Variants in CAV1 observed in about 807,000 individuals in gnomAD.
The protein encoded by CAV1 is caveolin-1.
A neutral mutation model predicts 16.5 loss-of-function variants in CAV1; 10 were observed. The ratio of observed to expected loss-of-function variants is 0.61; its 90% CI spans 0.37 to 1.03. The LOEUF is 1.03. CAV1 is among the 50% of genes least tolerant of loss of function. CAV1 has a pLI of 0.01. For missense variants in CAV1, 212 were observed against 232.8 expected (o/e 0.91, Z 0.58); for synonymous variants, 76 against 85.1 (o/e 0.89, Z 0.59).
chr7:116,537,772 C>T (rs541662075), intron 2 of CAV1, among the ~76,000 whole-genome samples: 1 of 152,230 alleles, frequency 6.6e-6, no homozygotes, highest in African/African-American at 2.4e-5. Flanking sequence ...TAGATCTTGG[C>T]AAGTGGTTTG....
chr7:116,526,563 C>T lies in CAV1; in HGVS notation c.69C>T (p.Asn23=). The T allele has an allele frequency of 1.2e-6, 2 of 1,614,204 alleles. No homozygotes were observed. Among genetic ancestry groups the T allele is most frequent in the Non-Finnish European group, 1.7e-6 (2 of 1,180,040 alleles). Residue 23 remains asparagine, a synonymous_variant, in exon 2 of 3, where the codon AAC becomes AAT. Transcript: ENST00000341049. ...CCGTTCCCATCCGGGAACAGGGCAACATCTACAAGCCCAACAACAAGGCCA... is the reference window on the plus strand; with the variant it reads ...CCGTTCCCATCCGGGAACAGGGCAATATCTACAAGCCCAACAACAAGGCCA... ...LYTVPIREQG[N]IYKPNNKAMA... is the part of the protein sequence containing the mutation.
intron 2 of CAV1, among the ~76,000 whole-genome samples, chr7:116,531,264 A>C (rs1002682380): frequency 6.6e-6 from 1 of 152,236 alleles, no homozygotes; most frequent in African/African-American, 2.4e-5. Context: ...TGTTTAGATG[A>C]TTCTGTTAGC....
Position 116,555,604 on chromosome 7 carries a change from G to GAA in CAV1, c.196-3341_196-3340insAA, listed in dbSNP as rs762624343. On this transcript the variant is annotated intron_variant, in intron 2 of 2. Coordinates refer to ENST00000341049, the MANE Select transcript of CAV1 (RefSeq NM_001753.5). ...AGAAAGAAAGAAAGAAAGAAAGAAA[G>GAA]AGAAAGAAAGAAAGAAGGGAGGGAG... 2.6e-3 allele frequency among the ~76,000 whole-genome samples: 189 copies of GAA among 73,430 alleles called. 13 individuals are homozygous for GAA. Among genetic ancestry groups the GAA allele is most frequent in the Middle Eastern group, 7.8e-3 (1 of 128 alleles). 48.2% of individuals were successfully genotyped at this position (73,430 alleles called of 152,430 possible). A position where few individuals can be genotyped will look rare whatever the true frequency, so the allele number is the denominator to read the frequency against.
At chr7:116,555,448 A>AAGGAAGGAAGGAAGG (rs1794242343) in intron 2 of CAV1, among the ~76,000 whole-genome samples, 4 of 37,352 alleles carry the variant, frequency 1.1e-4, no homozygotes, top group Non-Finnish European at 2.2e-4. Context: ...CCAAAAAAAG[A>AAGGAAGGAAGGAAGG]AAGGAAGGAA....
intron 2 of CAV1, among the ~76,000 whole-genome samples, chr7:116,531,291 A>G (rs189892103): frequency 2.0e-5 from 3 of 152,370 alleles, no homozygotes; most frequent in African/African-American, 7.2e-5. Context: ...ACAAATCAGG[A>G]TATCTGAAAG....
At chr7:116,543,219 A>G (rs538840906) in intron 2 of CAV1, among the ~76,000 whole-genome samples, 8 of 152,312 alleles carry the variant, frequency 5.3e-5, no homozygotes, top group African/African-American at 1.9e-4. Flanking sequence ...ATTCTAGTTG[A>G]CCAGTATTCA....
chr7:116,539,245 G>C (rs776348914), intron 2 of CAV1, among the ~76,000 whole-genome samples: 3 of 152,012 alleles, frequency 2.0e-5, no homozygotes, highest in Non-Finnish European at 4.4e-5. Context: ...ATTCATCAAA[G>C]CCTTCCAACT....
At chr7:116,537,033 G>T (rs185896710) in intron 2 of CAV1, among the ~76,000 whole-genome samples, 4 of 108,550 alleles carry the variant, frequency 3.7e-5, no homozygotes, top group Non-Finnish European at 5.8e-5. Context: ...AAAAAAAAAA[G>T]CCATTAAAAA....
chr7:116,552,511 A>G (rs1342187968), intron 2 of CAV1, among the ~76,000 whole-genome samples: 5 of 152,236 alleles, frequency 3.3e-5, no homozygotes, highest in Non-Finnish European at 7.3e-5. Flanking sequence ...TTTAAAATAA[A>G]GGTATATCTA....
intron 2 of CAV1, among the ~76,000 whole-genome samples, chr7:116,547,169 C>A (rs1212504935): frequency 6.6e-6 from 1 of 152,158 alleles, no homozygotes; most frequent in Non-Finnish European, 1.5e-5. Context: ...TCTGCAATGA[C>A]CCTATATCCA....
At chr7:116,534,673 T>A (rs1291122794) in intron 2 of CAV1, among the ~76,000 whole-genome samples, 1 of 151,756 alleles carries the variant, frequency 6.6e-6, no homozygotes, top group Non-Finnish European at 1.5e-5. Context: ...GTGCTGGGAT[T>A]ACAGGCGTGA....
rs76804821 is a variant in CAV1 at position 116,554,077 on chromosome 7, T to C, written c.196-4869T>C. Among the ~76,000 whole-genome samples the C allele has an allele frequency of 4.8e-3, 737 of 152,332 alleles. 2 individuals are homozygous for C. Among genetic ancestry groups the C allele is most frequent in the Non-Finnish European group, 8.5e-3 (579 of 68,026 alleles). ...GTCATCTGACAGCTTTGGTCATCAA[T>C]TTCTCTATCTCATATGTGACTCTAT... On this transcript the variant is annotated intron_variant, in intron 2 of 2. Coordinates refer to ENST00000341049, the MANE Select transcript of CAV1 (RefSeq NM_001753.5).
intron 2 of CAV1, among the ~76,000 whole-genome samples, chr7:116,531,539 T>C (rs1191939583): frequency 6.6e-6 from 1 of 152,238 alleles, no homozygotes; most frequent in Non-Finnish European, 1.5e-5. Flanking sequence ...CAGTCATTTA[T>C]AAAATTATTA....
intron 2 of CAV1, among the ~76,000 whole-genome samples, chr7:116,546,701 A>AAAAAAAAAATAATAAAT (rs1454713594): frequency 3.3e-5 from 5 of 150,138 alleles, no homozygotes; most frequent in Non-Finnish European, 7.4e-5. Context: ...CTGTCACAAA[A>AAAAAAAAAATAATAAAT]AAAAAAAAAA....
chr7:116,526,818 A>C, intron 2 of CAV1, 129 bp downstream of exon 2: 1 of 1,065,384 alleles, frequency 9.4e-7, no homozygotes, highest in Non-Finnish European at 1.4e-6. Context: ...ACACACACAC[A>C]CACAGAGTTT....
chr7:116,533,781 A>G (rs1562829637), intron 2 of CAV1, among the ~76,000 whole-genome samples: 1 of 152,208 alleles, frequency 6.6e-6, no homozygotes, highest in Non-Finnish European at 1.5e-5. Context: ...ACAACACGTC[A>G]TTTATAAACC....
intron 2 of CAV1, among the ~76,000 whole-genome samples, chr7:116,540,178 T>A (rs1439229151): frequency 6.6e-6 from 1 of 152,192 alleles, no homozygotes; most frequent in Non-Finnish European, 1.5e-5. Flanking sequence ...GCACAGAAAT[T>A]TCTCTTTGCC....
At chr7:116,535,892 T>G (rs1047293579) in intron 2 of CAV1, among the ~76,000 whole-genome samples, 20 of 152,204 alleles carry the variant, frequency 1.3e-4, no homozygotes, top group African/African-American at 4.6e-4. Flanking sequence ...CGCTTTTATT[T>G]TCAAAGAGAC....
chr7:116,534,362 G>GATATATATAT (rs1181031913), intron 2 of CAV1, among the ~76,000 whole-genome samples: 72 of 42,528 alleles, frequency 1.7e-3, no homozygotes, highest in Middle Eastern at 9.4e-3. Flanking sequence ...GCCCACCTCA[G>GATATATATAT]ATATATATAT....
Sources: allele counts gnomAD v4.1 joint callset (sites outside exome capture counted in the v4.1 genomes callset), GRCh38; gene constraint gnomAD v4.1.1; transcripts MANE v1.5; gene names NCBI Gene and HGNC (gene_info 2026-07-23, HGNC 2026-07-21).